Variants in UNC5C observed in about 807,000 individuals in gnomAD.
The protein encoded by UNC5C is netrin receptor UNC5C.
In UNC5C, 47 loss-of-function variants were observed where a neutral mutation model predicts 99.8. The ratio of observed to expected loss-of-function variants is 0.47; its 90% CI spans 0.37 to 0.60. UNC5C has a LOEUF of 0.60. Among genes scored for constraint, UNC5C ranks in the 20% least tolerant of loss-of-function variants. The pLI is 0.00. For synonymous variants in UNC5C, 487 were observed against 452.2 expected (o/e 1.08, Z -0.98); for missense variants, 1,062 against 1,165.9 (o/e 0.91, Z 1.30).
intron 1 of UNC5C, among the ~76,000 whole-genome samples, chr4:95,505,295 C>G (rs1224479546): frequency 1.3e-5 from 2 of 152,070 alleles, no homozygotes; most frequent in Non-Finnish European, 2.9e-5. Flanking sequence ...CAATTTCCTT[C>G]CACAGCCAGG....
chr4:95,365,927 G>T (rs746441475), intron 1 of UNC5C, among the ~76,000 whole-genome samples: 1 of 142,188 alleles, frequency 7.0e-6, no homozygotes, highest in Non-Finnish European at 1.5e-5. Flanking sequence ...CTGCTCTAAA[G>T]AATTTTCTGA....
At position 95,258,746 on chromosome 4, in the gene UNC5C, C is replaced by CTTTT. The variant is rs775570031; in HGVS notation, c.595-8083_595-8080dup. On this transcript the variant is annotated intron_variant, in intron 4 of 15. Transcript: ENST00000453304. Reference sequence around the variant, plus strand: ...ACTATGTGTAATCGACCATCTTATTCTTTTTTTTTTTTTTTTTTTTTTTTT... The same window carrying CTTTT: ...ACTATGTGTAATCGACCATCTTATTCTTTTTTTTTTTTTTTTTTTTTTTTTTTTT... 2.6e-4 allele frequency among the ~76,000 whole-genome samples: 20 copies of CTTTT among 76,044 alleles called. 1 individual carries two copies. The highest frequency in any genetic ancestry group is 6.0e-4 in the Admixed American group (4 of 6,632). The allele number at this position is 76,044 out of a possible 152,430, so 49.9% of individuals were successfully genotyped here. A position where few individuals can be genotyped will look rare whatever the true frequency, so the allele number is the denominator to read the frequency against.
chr4:95,399,250 A>G (rs1216519940), intron 1 of UNC5C, among the ~76,000 whole-genome samples: 1 of 152,194 alleles, frequency 6.6e-6, no homozygotes, highest in Non-Finnish European at 1.5e-5. Flanking sequence ...TAAAAATGTT[A>G]ACTAAGACAT....
At chr4:95,298,408 C>CCTTA (rs1470028773) in intron 3 of UNC5C, among the ~76,000 whole-genome samples, 3 of 152,176 alleles carry the variant, frequency 2.0e-5, no homozygotes, top group African/African-American at 7.2e-5. Context: ...TTAGCCCAGG[C>CCTTA]CTTACCTTTC....
At chr4:95,195,349 G>A (rs1737336533) in intron 12 of UNC5C, among the ~76,000 whole-genome samples, 1 of 152,158 alleles carries the variant, frequency 6.6e-6, no homozygotes, top group Non-Finnish European at 1.5e-5. Context: ...CAGCAATGAT[G>A]CACTAGGAAC....
At chr4:95,531,092 A>G (rs1235997823) in intron 1 of UNC5C, among the ~76,000 whole-genome samples, 1 of 152,200 alleles carries the variant, frequency 6.6e-6, no homozygotes, top group Non-Finnish European at 1.5e-5. Flanking sequence ...ATTTAATAGT[A>G]TTTAGGTGTA....
At chr4:95,374,438 A>G (rs766676941) in intron 1 of UNC5C, among the ~76,000 whole-genome samples, 5 of 152,090 alleles carry the variant, frequency 3.3e-5, no homozygotes, top group Non-Finnish European at 5.9e-5. Flanking sequence ...ATATGCCTCT[A>G]TGGCCATCCT....
intron 8 of UNC5C, 24 bp from the exon 9 acceptor site, chr4:95,219,337 C>G (rs773270469): frequency 2.6e-5 from 41 of 1,599,100 alleles, no homozygotes; most frequent in Non-Finnish European, 3.4e-5. Flanking sequence ...AGAAAATAAT[C>G]CCATTGGCAT....
At chr4:95,418,635 TC>T (rs1314549205) in intron 1 of UNC5C, among the ~76,000 whole-genome samples, 1 of 152,152 alleles carries the variant, frequency 6.6e-6, no homozygotes, top group Non-Finnish European at 1.5e-5. Context: ...GCACCAGCTG[TC>T]CATGCCTCTC....
Position 95,218,952 on chromosome 4 carries a change from A to C in UNC5C, c.1645+17T>G. The C allele has an allele frequency of 6.4e-7, 1 of 1,560,532 alleles. No individual in the cohort carries two copies. The highest frequency in any genetic ancestry group is 8.7e-7 in the Non-Finnish European group (1 of 1,153,682). On this transcript the variant is annotated intron_variant, in intron 9 of 15. Transcript: ENST00000453304. ...GTTTCAAGCTGCCTCTTTGCAATTT[A>C]AACCTCTAGGAATTACCTGAATTGG...
intron 2 of UNC5C, among the ~76,000 whole-genome samples, chr4:95,317,291 T>C (rs1258637882): frequency 6.6e-6 from 1 of 152,194 alleles, no homozygotes; most frequent in Non-Finnish European, 1.5e-5. Flanking sequence ...AATGGCTGTT[T>C]AGCACTTGCT....
intron 3 of UNC5C, among the ~76,000 whole-genome samples, chr4:95,285,722 T>C (rs1235644520): frequency 6.6e-6 from 1 of 152,230 alleles, no homozygotes; most frequent in Non-Finnish European, 1.5e-5. Context: ...CATTAAAAAG[T>C]GTGAAACTGA....
intron 1 of UNC5C, among the ~76,000 whole-genome samples, chr4:95,526,053 C>A (rs185781917): frequency 6.6e-6 from 1 of 152,238 alleles, no homozygotes; most frequent in East Asian, 1.9e-4. Flanking sequence ...ACTGTTCTGA[C>A]TAATCAATTA....
intron 12 of UNC5C, among the ~76,000 whole-genome samples, chr4:95,189,819 A>C (rs1417400226): frequency 6.6e-6 from 1 of 152,242 alleles, no homozygotes; most frequent in Non-Finnish European, 1.5e-5. Context: ...TAGAATGGTG[A>C]TCTTTAAAAA....
intron 9 of UNC5C, among the ~76,000 whole-genome samples, chr4:95,217,378 G>A (rs2149366939): frequency 6.6e-6 from 1 of 152,254 alleles, no homozygotes; most frequent in South Asian, 2.1e-4. Flanking sequence ...TGAGAGCCCT[G>A]GTGTTGTAGG....
intron 1 of UNC5C, among the ~76,000 whole-genome samples, chr4:95,405,140 A>C (rs879913902): frequency 3.9e-5 from 6 of 152,196 alleles, no homozygotes; most frequent in Non-Finnish European, 8.8e-5. Flanking sequence ...CTGCTCTTGC[A>C]AAAAGGCAGA....
Position 95,301,596 on chromosome 4 carries a change from A to G in UNC5C, c.490+10T>C. 6.2e-7 allele frequency: 1 copy of G among 1,613,928 alleles called. No individual in the cohort carries two copies. Among genetic ancestry groups the G allele is most frequent in the African/African-American group, 1.3e-5 (1 of 75,006 alleles). On this transcript the variant is annotated intron_variant, in intron 3 of 15. Transcript: ENST00000453304. ...CTGAGACCCAAGGTGCTTATTGTACAATGACTCACATGCAATGCGCACATA... is the reference window on the plus strand; with the variant it reads ...CTGAGACCCAAGGTGCTTATTGTACGATGACTCACATGCAATGCGCACATA...
chr4:95,450,848 A>G (rs1410410331), intron 1 of UNC5C, among the ~76,000 whole-genome samples: 2 of 152,170 alleles, frequency 1.3e-5, no homozygotes, highest in Non-Finnish European at 2.9e-5. Flanking sequence ...GGTCCTATCA[A>G]TTTCCAGGAA....
intron 3 of UNC5C, among the ~76,000 whole-genome samples, chr4:95,291,836 G>C (rs535039272): frequency 1.3e-5 from 2 of 151,814 alleles, no homozygotes; most frequent in South Asian, 4.2e-4. Context: ...TCAAAATATG[G>C]CCTCTGTTAC....
Sources: allele counts gnomAD v4.1 joint callset (sites outside exome capture counted in the v4.1 genomes callset), GRCh38; gene constraint gnomAD v4.1.1; transcripts MANE v1.5; gene names NCBI Gene and HGNC (gene_info 2026-07-23, HGNC 2026-07-21).